Variants in RBM27 observed in about 807,000 individuals in gnomAD.
RBM27 encodes RNA-binding protein 27.
In RBM27, 22 loss-of-function variants were observed where a neutral mutation model predicts 135.3. The observed-to-expected ratio is 0.16, with a 90% CI of 0.12 to 0.23. The LOEUF is 0.23. RBM27 is among the 10% of genes least tolerant of loss of function. The probability of loss-of-function intolerance (pLI) is 1.00; values close to 1 mark genes in which losing one functional copy is unlikely to be tolerated. For missense variants in RBM27, 1,009 were observed against 1,281.0 expected, an observed-to-expected ratio of 0.79 and a Z score of 3.24; for synonymous variants, 481 against 442.4, an observed-to-expected ratio of 1.09 and a Z score of -1.10.
intron 13 of RBM27, among the ~76,000 whole-genome samples, chr5:146,262,444 T>C (rs13155119): frequency 0.21 from 31,891 of 152,164 alleles, 4,248 homozygotes; most frequent in Admixed American, 0.33. Context: ...CCTAAAACAA[T>C]GTCTGGTACA....
chr5:146,234,750 T>G (rs1189808411), intron 7 of RBM27, among the ~76,000 whole-genome samples: 1 of 152,024 alleles, frequency 6.6e-6, no homozygotes, highest in Non-Finnish European at 1.5e-5. Context: ...GATGGCAAAT[T>G]AGGCTGGGCA....
Position 146,206,549 on chromosome 5 carries a change from T to TA in RBM27, c.59+2736dup, listed in dbSNP as rs35369287. Among the ~76,000 whole-genome samples the TA allele has an allele frequency of 7.0e-3, 1,014 of 144,890 alleles. 6 individuals are homozygous for TA. The highest frequency in any genetic ancestry group is 0.013 in the African/African-American group (517 of 39,514). On this transcript the variant is annotated intron_variant, in intron 1 of 20. Coordinates refer to ENST00000265271, the MANE Select transcript of RBM27 (RefSeq NM_018989.2). ...TTTTAATTTTGTTGCTCATTTAGGG[T>TA]AAAAAAAAAAAGGCTAAAATACTTT...
At chr5:146,245,570 CAG>C (rs1757591516) in intron 8 of RBM27, among the ~76,000 whole-genome samples, 1 of 152,084 alleles carries the variant, frequency 6.6e-6, no homozygotes, top group Non-Finnish European at 1.5e-5. Flanking sequence ...ATTGTTAAAA[CAG>C]TATAATTCTA....
intron 2 of RBM27, 99 bp downstream of exon 2, chr5:146,219,202 TAGTC>T: frequency 3.8e-6 from 3 of 779,514 alleles, no homozygotes; most frequent in Non-Finnish European, 6.2e-6. Context: ...GGAAAGAAAG[TAGTC>T]AGAGTCCTTT....
rs551107533 is a variant in RBM27, at chr5:146,263,174, G to T, written c.2191-317G>T. Among the ~76,000 whole-genome samples the T allele has an allele frequency of 2.6e-5, 4 of 152,216 alleles. No homozygotes were observed. In the East Asian group the frequency reaches 7.7e-4, roughly 29 times the overall value. On this transcript the variant is annotated intron_variant, in intron 13 of 20. Transcript: ENST00000265271. ...GCTGGGATTATATGTGTGAGCCACTGTGCCCAGCCAAGACCCTCTAATTCT... is the reference window on the plus strand; with the variant it reads ...GCTGGGATTATATGTGTGAGCCACTTTGCCCAGCCAAGACCCTCTAATTCT...
chr5:146,237,487 C>G, intron 8 of RBM27, 55 bp downstream of exon 8: 1 of 1,560,114 alleles, frequency 6.4e-7, no homozygotes, highest in Non-Finnish European at 8.8e-7. Flanking sequence ...GCCAAGTTGT[C>G]TCATATCAGT....
chr5:146,270,871 G>A (rs1758832227), intron 17 of RBM27, 83 bp from the exon 18 acceptor site: 2 of 814,424 alleles, frequency 2.5e-6, no homozygotes, highest in Non-Finnish European at 3.9e-6. Flanking sequence ...AAATACATGT[G>A]TGTCATTGTG....
In RBM27 at chr5:146,223,471, C is replaced by G. The variant is rs756569208; in HGVS notation, c.247C>G (p.Pro83Ala). Residue 83 changes from proline (P) to alanine (A), a missense_variant, in exon 3 of 21, where the codon CCA (proline) becomes GCA (alanine). By Grantham distance (27) the Pro-to-Ala change is conservative. Coordinates refer to ENST00000265271, the MANE Select transcript of RBM27 (RefSeq NM_018989.2). ...TAAGAACTACCTTCCACTTTTGGAA[C>G]CAGTAAAGCCTGAGCCAAAACCACT... ...YTKNYLPLLEPVKPEPKPLVQ... is the reference protein window; with the variant it reads ...YTKNYLPLLEAVKPEPKPLVQ... The G allele has an allele frequency of 1.2e-6, 2 of 1,609,876 alleles. No homozygotes were observed. Among genetic ancestry groups the G allele is most frequent in the Non-Finnish European group, 1.7e-6 (2 of 1,178,144 alleles).
intron 1 of RBM27, among the ~76,000 whole-genome samples, chr5:146,204,882 G>A (rs1410647037): frequency 2.6e-5 from 4 of 152,040 alleles, no homozygotes; most frequent in Non-Finnish European, 4.4e-5. Context: ...GGTAACAGAT[G>A]TATCAACATT....
intron 6 of RBM27, 122 bp from the exon 7 acceptor site, chr5:146,233,328 G>A: frequency 6.9e-7 from 1 of 1,441,894 alleles, no homozygotes; most frequent in East Asian, 2.5e-5. Context: ...CTGAGACTTT[G>A]GATTCCTTGG....
chr5:146,249,346 T>A (rs1437121573), intron 8 of RBM27, among the ~76,000 whole-genome samples: 1 of 152,128 alleles, frequency 6.6e-6, no homozygotes, highest in Non-Finnish European at 1.5e-5. Flanking sequence ...AGTAATTCCC[T>A]GCCATTGATT....
At chr5:146,206,783 G>T (rs1481104734) in intron 1 of RBM27, among the ~76,000 whole-genome samples, 1 of 151,680 alleles carries the variant, frequency 6.6e-6, no homozygotes, top group Admixed American at 6.6e-5. Flanking sequence ...GGGTGTCACT[G>T]TGTTGGCCAG....
intron 8 of RBM27, among the ~76,000 whole-genome samples, chr5:146,248,031 G>A (rs898705784): frequency 6.6e-6 from 1 of 151,854 alleles, no homozygotes; most frequent in African/African-American, 2.4e-5. Flanking sequence ...CATGATATAT[G>A]TGTATTTTCT....
At position 146,251,810 on chromosome 5, in the gene RBM27, G is replaced by A. The variant is rs761695507; in HGVS notation, c.1379G>A (p.Arg460Gln). Residue 460 changes from arginine to glutamine, a missense_variant, in exon 9 of 21, where the codon CGA becomes CAA. Arg to Gln is a conservative substitution (Grantham distance 43). Around this residue, in one of 6 missense-constraint regions of RBM27, gnomAD observed 329 missense variants for 368.1 expected, o/e 0.89. Transcript: ENST00000265271. ...PLLAARLVPP[R>Q]NLMGSSIGYH... ...TTGGCAGCTCGTTTGGTGCCACCTCGAAACCTCATGGGATCCTCCATTGGA... is the reference window on the plus strand; with the variant it reads ...TTGGCAGCTCGTTTGGTGCCACCTCAAAACCTCATGGGATCCTCCATTGGA... 6.8e-6 allele frequency: 11 copies of A among 1,613,864 alleles called. No homozygotes were observed. Among genetic ancestry groups the A allele is most frequent in the Middle Eastern group, 1.6e-4 (1 of 6,084 alleles).
chr5:146,221,890 TAAC>T (rs1756477820), intron 2 of RBM27, among the ~76,000 whole-genome samples: 1 of 148,162 alleles, frequency 6.7e-6, no homozygotes, highest in African/African-American at 2.4e-5. Flanking sequence ...TCTTTTATAA[TAAC>T]ATTTTAAAAA....
At chr5:146,248,870 AAT>A (rs1757752251) in intron 8 of RBM27, among the ~76,000 whole-genome samples, 1 of 96,790 alleles carries the variant, frequency 1.0e-5, no homozygotes, top group Non-Finnish European at 2.7e-5. Flanking sequence ...AGACATACTT[AAT>A]TAGATAGTAT....
chr5:146,286,140 C>G lies in RBM27; in HGVS notation c.*110C>G, dbSNP rs1174631392. The G allele has an allele frequency of 2.5e-6, 2 of 815,908 alleles. No homozygotes were observed. Among genetic ancestry groups the G allele is most frequent in the Non-Finnish European group, 3.8e-6 (2 of 528,358 alleles). The allele number at this position is 815,908 out of a possible 1,614,324, so 50.5% of individuals were successfully genotyped here. Reference sequence around the variant, plus strand: ...AAAAAAATTTTTTTATTTTTCTTTTCAACACAGTAGGTTCAAGAACAGCAA... The same window carrying G: ...AAAAAAATTTTTTTATTTTTCTTTTGAACACAGTAGGTTCAAGAACAGCAA... On this transcript the variant is annotated 3_prime_UTR_variant, in exon 21 of 21. Coordinates refer to ENST00000265271, the MANE Select transcript of RBM27 (RefSeq NM_018989.2).
At chr5:146,238,308 A>C (rs1287588783) in intron 8 of RBM27, among the ~76,000 whole-genome samples, 1 of 152,158 alleles carries the variant, frequency 6.6e-6, no homozygotes, top group African/African-American at 2.4e-5. Context: ...CGGGAGTTCG[A>C]GACCATCCTG....
At chr5:146,263,363 G>A (rs566811972) in intron 13 of RBM27, 128 bp from the exon 14 acceptor site, 66 of 838,590 alleles carry the variant, frequency 7.9e-5, no homozygotes, top group African/African-American at 2.1e-4. Flanking sequence ...AAAACCTTAC[G>A]GATAATTGAA....
Sources: allele counts gnomAD v4.1 joint callset (sites outside exome capture counted in the v4.1 genomes callset), GRCh38; gene constraint gnomAD v4.1.1; regional missense constraint gnomAD v4.1.1; transcripts MANE v1.5; gene names NCBI Gene and HGNC (gene_info 2026-07-23, HGNC 2026-07-21).